Variants in DENND4C observed in about 807,000 individuals in gnomAD.
DENND4C encodes the protein DENN domain containing 4C.
A neutral mutation model predicts 203.0 loss-of-function variants in DENND4C; 108 were observed. That is an observed-to-expected ratio of 0.53 (90% CI 0.46 to 0.62). The LOEUF is 0.62. Among genes scored for constraint, DENND4C ranks in the 20% least tolerant of loss-of-function variants. The probability of loss-of-function intolerance (pLI) is 0.00; values close to 1 mark genes in which losing one functional copy is unlikely to be tolerated. For synonymous variants in DENND4C, 871 were observed against 792.4 expected (o/e 1.10, Z -1.67); for missense variants, 2,481 against 2,301.2 (o/e 1.08, Z -1.60).
intron 16 of DENND4C, among the ~76,000 whole-genome samples, chr9:19,329,738 C>A (rs1326602232): frequency 6.6e-6 from 1 of 152,114 alleles, no homozygotes; most frequent in African/African-American, 2.4e-5. Context: ...TTGGTTATAA[C>A]CATCTAGTGA....
rs142731009 is a variant in DENND4C at position 19,276,052 on chromosome 9, C to G, written c.-17-106C>G. 1,126 of 526,394 alleles carry G rather than the reference C, an allele frequency of 2.1e-3. 9 individuals carry two copies. The highest frequency in any genetic ancestry group is 0.019 in the African/African-American group (992 of 50,964). 32.6% of individuals were successfully genotyped at this position (526,394 alleles called of 1,614,324 possible). A position where few individuals can be genotyped will look rare whatever the true frequency, so the allele number is the denominator to read the frequency against. ...TCAGAATGGCAATTTGATTATAAAT[C>G]TAGCTGGGAAGTGTGCTAGTTGATG... On this transcript the variant is annotated intron_variant, in intron 1 of 32. Transcript: ENST00000434457.
chr9:19,266,713 A>G (rs892188316), intron 1 of DENND4C, among the ~76,000 whole-genome samples: 3 of 152,228 alleles, frequency 2.0e-5, no homozygotes, highest in African/African-American at 7.2e-5. Flanking sequence ...CCTGACAAAA[A>G]CAAAAAATGG....
intron 4 of DENND4C, among the ~76,000 whole-genome samples, 184 bp from the exon 5 acceptor site, chr9:19,290,520 T>A (rs745756471): frequency 1.3e-5 from 2 of 152,210 alleles, no homozygotes; most frequent in Non-Finnish European, 2.9e-5. Flanking sequence ...TGTAAATTCA[T>A]GGGTAAAATA....
chr9:19,256,722 G>A (rs1463875987), intron 1 of DENND4C, among the ~76,000 whole-genome samples: 4 of 151,530 alleles, frequency 2.6e-5, no homozygotes, highest in Non-Finnish European at 5.9e-5. Context: ...AACCTCATCC[G>A]AGAAAAAATA....
At chr9:19,360,531 A>C in intron 29 of DENND4C, 42 bp downstream of exon 29, 1 of 1,611,136 alleles carries the variant, frequency 6.2e-7, no homozygotes, top group Non-Finnish European at 8.5e-7. Flanking sequence ...ATTCAGTAGG[A>C]TGAGGCTTAA....
chr9:19,361,903 G>A lies in DENND4C; in HGVS notation c.5464G>A (p.Asp1822Asn), dbSNP rs150777427. 1 of 1,613,032 alleles carries A rather than the reference G, an allele frequency of 6.2e-7. No homozygotes were observed. Among genetic ancestry groups the A allele is most frequent in the Non-Finnish European group, 8.5e-7 (1 of 1,179,048 alleles). Residue 1822 changes from aspartate (D) to asparagine (N), a missense_variant, in exon 30 of 33, where the codon GAT becomes AAT. Physicochemically the swap from Asp to Asn is conservative, Grantham distance 23. Coordinates refer to ENST00000434457, the MANE Select transcript of DENND4C (RefSeq NM_001330640.2). ...ACTTGTGTATATTCAGCTGTTATGGGATAATATCAACCTTCATCAGGAACC... is the reference window on the plus strand; with the variant it reads ...ACTTGTGTATATTCAGCTGTTATGGAATAATATCAACCTTCATCAGGAACC... Reference protein sequence around the residue: ...SKLVYIQLLWDNINLHQEPRE... With the variant: ...SKLVYIQLLWNNINLHQEPRE...
chr9:19,359,847 A>C (rs1826103654), intron 28 of DENND4C, among the ~76,000 whole-genome samples: 1 of 152,234 alleles, frequency 6.6e-6, no homozygotes, highest in African/African-American at 2.4e-5. Context: ...AACAAAGAAT[A>C]TTAATGCAAA....
chr9:19,367,669 G>A (rs1827967989), intron 30 of DENND4C, among the ~76,000 whole-genome samples: 1 of 152,250 alleles, frequency 6.6e-6, no homozygotes. Flanking sequence ...AACCCAGGGA[G>A]GCAGAGGTTG....
At position 19,372,858 on chromosome 9, in the gene DENND4C, CA is replaced by C. The variant is rs368857837; in HGVS notation, c.*707del. 2,005 of 52,930 alleles carry C rather than the reference CA, an allele frequency of 0.038. 24 individuals are homozygous for C. The highest frequency in any genetic ancestry group is 0.099 in the African/African-American group (1,664 of 16,892). The allele number at this position is 52,930 out of a possible 1,614,324, so 3.3% of individuals were successfully genotyped here. On this transcript the variant is annotated 3_prime_UTR_variant, in exon 33 of 33. Coordinates refer to ENST00000434457, the MANE Select transcript of DENND4C (RefSeq NM_001330640.2). ...CTTGGGTGACAGAGTGAGACCGTCTCAAAAAAAAAAAAAAAAAAAAAAGAGA... is the reference window on the plus strand; with the variant it reads ...CTTGGGTGACAGAGTGAGACCGTCTCAAAAAAAAAAAAAAAAAAAAAGAGA...
At chr9:19,298,023 A>G in intron 6 of DENND4C, 33 bp from the exon 7 acceptor site, 7 of 1,509,266 alleles carry the variant, frequency 4.6e-6, no homozygotes, top group Non-Finnish European at 6.4e-6. Context: ...TAGAAAAGTA[A>G]TTATTATATT....
intron 4 of DENND4C, 25 bp from the exon 5 acceptor site, chr9:19,290,679 T>A: frequency 3.7e-6 from 5 of 1,352,472 alleles, no homozygotes; most frequent in Non-Finnish European, 4.8e-6. Flanking sequence ...TTTAAAAAAT[T>A]TATTGTTGTC....
intron 1 of DENND4C, among the ~76,000 whole-genome samples, chr9:19,234,159 G>A (rs1821280343): frequency 6.6e-6 from 1 of 151,916 alleles, no homozygotes; most frequent in South Asian, 2.1e-4. Flanking sequence ...TTTATTTACT[G>A]CCTCAGTTTA....
intron 10 of DENND4C, among the ~76,000 whole-genome samples, chr9:19,308,322 A>G (rs1330191890): frequency 2.0e-5 from 3 of 152,204 alleles, no homozygotes; most frequent in South Asian, 2.1e-4. Context: ...TCTTTGTTTC[A>G]TATCTTTGCC....
intron 21 of DENND4C, among the ~76,000 whole-genome samples, 194 bp downstream of exon 21, chr9:19,341,308 TTTC>T (rs1821588443): frequency 7.3e-6 from 1 of 136,544 alleles, no homozygotes; most frequent in African/African-American, 2.9e-5. Flanking sequence ...ACTTTCTTTC[TTTC>T]TTTTTTTTTT....
intron 1 of DENND4C, among the ~76,000 whole-genome samples, chr9:19,273,626 C>G (rs1335185286): frequency 1.3e-5 from 2 of 151,742 alleles, no homozygotes; most frequent in Non-Finnish European, 2.9e-5. Context: ...AAGATTTGAA[C>G]AGAAATTTCC....
At position 19,372,376 on chromosome 9, in the gene DENND4C, A is replaced by G. The variant is rs1029552092; in HGVS notation, c.*203A>G. On this transcript the variant is annotated 3_prime_UTR_variant, in exon 33 of 33. Transcript: ENST00000434457. The stretch of plus-strand genomic sequence containing the variant: ...TTTGAATGTCCCAGGGCTTATTAAT[A>G]TTGAAGATTTTCAACCCCTGAACTG... 3.7e-6 allele frequency: 2 copies of G among 546,424 alleles called. No individual in the cohort carries two copies. The highest frequency in any genetic ancestry group is 3.8e-5 in the African/African-American group (2 of 52,118). 33.8% of individuals were successfully genotyped at this position (546,424 alleles called of 1,614,324 possible).
At chr9:19,267,648 C>T (rs972464388) in intron 1 of DENND4C, among the ~76,000 whole-genome samples, 7 of 151,978 alleles carry the variant, frequency 4.6e-5, no homozygotes, top group African/African-American at 1.7e-4. Context: ...GGGATCTTCC[C>T]ACCTCAGCTT....
chr9:19,246,116 C>T lies in DENND4C; in HGVS notation c.-18+15283C>T, dbSNP rs112405075. ...ATATTGATTCATTTAATAAAAATTT[C>T]AGTAAGTATTAGTGTTCTGTATGTA... On this transcript the variant is annotated intron_variant, in intron 1 of 32. Coordinates refer to ENST00000434457, the MANE Select transcript of DENND4C (RefSeq NM_001330640.2). 8.1e-3 allele frequency among the ~76,000 whole-genome samples: 1,218 copies of T among 150,880 alleles called. 16 individuals carry two copies. The highest frequency in any genetic ancestry group is 0.028 in the African/African-American group (1,147 of 40,264).
At position 19,372,227 on chromosome 9, in the gene DENND4C, G is replaced by A. The variant is rs560736360; in HGVS notation, c.*54G>A. On this transcript the variant is annotated 3_prime_UTR_variant, in exon 33 of 33. Coordinates refer to ENST00000434457, the MANE Select transcript of DENND4C (RefSeq NM_001330640.2). ...AAGGCTTGGGGATTAGATTTCATCT[G>A]GAAACATTCAAGTTTTTTTTTCCAA... is the stretch of plus-strand genomic sequence containing the variant. The A allele has an allele frequency of 3.8e-5, 59 of 1,557,378 alleles. No individual in the cohort carries two copies. In the African/African-American group the frequency reaches 7.0e-4, roughly 19 times the overall value.
Sources: allele counts gnomAD v4.1 joint callset (sites outside exome capture counted in the v4.1 genomes callset), GRCh38; gene constraint gnomAD v4.1.1; transcripts MANE v1.5; gene names NCBI Gene and HGNC (gene_info 2026-07-23, HGNC 2026-07-21).